Variants in PLPP4 observed in about 807,000 individuals in gnomAD.
The protein encoded by PLPP4 is phospholipid phosphatase 4.
Under a neutral mutation model 32.2 loss-of-function variants are expected in PLPP4, and 20 were observed. That is an observed-to-expected ratio of 0.62 (90% confidence interval 0.44 to 0.90). The LOEUF is 0.90. PLPP4 is among the 40% of genes least tolerant of loss of function. PLPP4 has a pLI of 0.00. For synonymous variants in PLPP4, 127 were observed against 133.0 expected (o/e 0.95, Z 0.31); for missense variants, 257 against 353.1 (o/e 0.73, Z 2.18).
intron 6 of PLPP4, among the ~76,000 whole-genome samples, chr10:120,584,457 C>T (rs1317152254): frequency 2.6e-5 from 4 of 152,182 alleles, no homozygotes; most frequent in South Asian, 4.2e-4. Context: ...CCATCATGCC[C>T]GACCCCTGAT....
intron 5 of PLPP4, among the ~76,000 whole-genome samples, chr10:120,551,527 C>T (rs34449546): frequency 0.052 from 7,955 of 152,200 alleles, 294 homozygotes; most frequent in Middle Eastern, 0.14. Flanking sequence ...AAACTACTAA[C>T]AAATATTGCA....
chr10:120,490,832 A>G (rs1564791800), intron 1 of PLPP4, among the ~76,000 whole-genome samples: 1 of 152,180 alleles, frequency 6.6e-6, no homozygotes, highest in Admixed American at 6.5e-5. Flanking sequence ...AGGAAGGAAA[A>G]TCTCAAAGAC....
chr10:120,483,624 A>T (rs76855814), intron 1 of PLPP4, among the ~76,000 whole-genome samples: 275 of 152,332 alleles, frequency 1.8e-3, no homozygotes, highest in Non-Finnish European at 3.1e-3. Context: ...TTGAAATTTG[A>T]TCACCGATGT....
intron 5 of PLPP4, among the ~76,000 whole-genome samples, chr10:120,556,133 T>G (rs985790064): frequency 1.3e-5 from 2 of 152,238 alleles, no homozygotes; most frequent in African/African-American, 4.8e-5. Flanking sequence ...TTACTTTAAA[T>G]GTATATGTAT....
At chr10:120,571,249 G>A (rs1848929041) in intron 5 of PLPP4, among the ~76,000 whole-genome samples, 1 of 151,904 alleles carries the variant, frequency 6.6e-6, no homozygotes. Flanking sequence ...TCTGTTGTTG[G>A]TAATGTTAGC....
chr10:120,465,936 T>A (rs1370417461), intron 1 of PLPP4, among the ~76,000 whole-genome samples: 2 of 152,176 alleles, frequency 1.3e-5, no homozygotes, highest in Non-Finnish European at 2.9e-5. Flanking sequence ...CATTTATTCA[T>A]TTTACCCACG....
At chr10:120,528,776 G>C (rs886866324) in intron 5 of PLPP4, among the ~76,000 whole-genome samples, 2 of 151,700 alleles carry the variant, frequency 1.3e-5, no homozygotes, top group African/African-American at 2.4e-5. Context: ...TTCTCAACTT[G>C]TTGTTTTTTT....
chr10:120,465,241 G>A (rs1363311887), intron 1 of PLPP4, among the ~76,000 whole-genome samples: 2 of 152,198 alleles, frequency 1.3e-5, no homozygotes, highest in Admixed American at 1.3e-4. Context: ...TTTACAGTGA[G>A]GAAGCTCCTT....
chr10:120,584,128 C>G (rs1330785348), intron 6 of PLPP4, among the ~76,000 whole-genome samples: 1 of 152,220 alleles, frequency 6.6e-6, no homozygotes, highest in East Asian at 1.9e-4. Context: ...TCAGCACCTT[C>G]TCACATACCC....
At chr10:120,571,003 G>T (rs1177373767) in intron 5 of PLPP4, among the ~76,000 whole-genome samples, 2 of 151,408 alleles carry the variant, frequency 1.3e-5, no homozygotes, top group Middle Eastern at 3.4e-3. Flanking sequence ...TACAAATAAA[G>T]AAAACCTACT....
chr10:120,498,668 C>CT lies in PLPP4; in HGVS notation c.57-5140dup, dbSNP rs1225631831. On this transcript the variant is annotated intron_variant, in intron 1 of 6. Coordinates refer to ENST00000398250, the MANE Select transcript of PLPP4 (RefSeq NM_001030059.3). Reference sequence around the variant, plus strand: ...GCTCTTCTATTCTTTTTTTTTTTTTCTTTTTTTTTTGAGATGGAGTCTCAC... The same window carrying CT: ...GCTCTTCTATTCTTTTTTTTTTTTTCTTTTTTTTTTTGAGATGGAGTCTCAC... Among the ~76,000 whole-genome samples, 12 of 122,960 alleles carry CT rather than the reference C, an allele frequency of 9.8e-5. No homozygotes were observed. In the South Asian group the frequency reaches 1.3e-3, roughly 13 times the overall value. The allele number at this position is 122,960 out of a possible 152,430, so 80.7% of individuals were successfully genotyped here.
At chr10:120,544,259 A>G (rs1403327603) in intron 5 of PLPP4, among the ~76,000 whole-genome samples, 2 of 152,162 alleles carry the variant, frequency 1.3e-5, no homozygotes, top group East Asian at 3.8e-4. Context: ...GTCCTTGCCA[A>G]TACTTGTTAT....
intron 5 of PLPP4, among the ~76,000 whole-genome samples, chr10:120,572,695 A>T (rs1253042216): frequency 1.3e-5 from 2 of 152,230 alleles, no homozygotes; most frequent in Non-Finnish European, 2.9e-5. Context: ...GAAGGAGCTC[A>T]GGATGGGATC....
In PLPP4 at chr10:120,494,765, A is replaced by T. The variant is rs141709495; in HGVS notation, c.57-9053A>T. On this transcript the variant is annotated intron_variant, in intron 1 of 6. Transcript: ENST00000398250. Reference sequence around the variant, plus strand: ...GTAGGAGCAACTTCTTGGGGTCTTCATTTCTTTTTCCACCTCCTTCCCTGT... The same window carrying T: ...GTAGGAGCAACTTCTTGGGGTCTTCTTTTCTTTTTCCACCTCCTTCCCTGT... Among the ~76,000 whole-genome samples the T allele has an allele frequency of 1.2e-3, 178 of 152,278 alleles. 1 individual carries two copies. The highest frequency in any genetic ancestry group is 4.0e-3 in the African/African-American group (168 of 41,540).
At chr10:120,552,130 G>A (rs545855728) in intron 5 of PLPP4, among the ~76,000 whole-genome samples, 98 of 151,286 alleles carry the variant, frequency 6.5e-4, no homozygotes, top group Non-Finnish European at 1.3e-3. Flanking sequence ...CCCAGGTGGT[G>A]ATAATGATGG....
At chr10:120,489,192 AGAT>A (rs1844596790) in intron 1 of PLPP4, among the ~76,000 whole-genome samples, 1 of 152,224 alleles carries the variant, frequency 6.6e-6, no homozygotes, top group African/African-American at 2.4e-5. Context: ...CAGTTGGGAT[AGAT>A]GATGAAGAAC....
At chr10:120,568,431 T>C (rs926281908) in intron 5 of PLPP4, among the ~76,000 whole-genome samples, 1 of 152,144 alleles carries the variant, frequency 6.6e-6, no homozygotes, top group Non-Finnish European at 1.5e-5. Flanking sequence ...TAACAATCAT[T>C]ACAACCTAAG....
intron 2 of PLPP4, among the ~76,000 whole-genome samples, chr10:120,509,608 C>G (rs1162385324): frequency 6.6e-6 from 1 of 152,140 alleles, no homozygotes; most frequent in East Asian, 1.9e-4. Flanking sequence ...GGACTCCAAC[C>G]CAGGAGCATG....
intron 6 of PLPP4, 63 bp downstream of exon 6, chr10:120,575,364 G>GTT: frequency 6.5e-7 from 1 of 1,530,048 alleles, no homozygotes; most frequent in Non-Finnish European, 8.9e-7. Flanking sequence ...CCAGGGATGG[G>GTT]TGTAGAAATG....
Sources: gnomAD v4.1 joint callset for allele counts (sites outside exome capture counted in the v4.1 genomes callset) on GRCh38, gnomAD v4.1.1 for gene constraint, MANE v1.5 for transcripts, NCBI Gene and HGNC (gene_info 2026-07-23, HGNC 2026-07-21) for gene names.